Variants in ZSWIM5 observed in about 807,000 individuals in gnomAD.
ZSWIM5 encodes zinc finger SWIM-type containing 5, also known as zinc finger SWIM domain-containing protein 5.
ZSWIM5 carries 55 observed loss-of-function variants against 119.6 expected under a neutral mutation model. That is an observed-to-expected ratio of 0.46 (90% CI 0.37 to 0.58). ZSWIM5 has a LOEUF of 0.58. Ranked by LOEUF, ZSWIM5 falls within the 20% of genes least tolerant of loss-of-function variation. The pLI, the probability that ZSWIM5 is intolerant of heterozygous loss-of-function variation, is 0.00. For synonymous variants in ZSWIM5, 537 were observed against 606.9 expected (o/e 0.88, Z 1.69); for missense variants, 1,193 against 1,512.8 (o/e 0.79, Z 3.51).
At chr1:45,109,743 T>TG (rs1443695827) in intron 1 of ZSWIM5, among the ~76,000 whole-genome samples, 6 of 26,080 alleles carry the variant, frequency 2.3e-4, no homozygotes, top group Non-Finnish European at 3.8e-4. Context: ...AGACTTCGTA[T>TG]GAAAAAAAAA....
At chr1:45,172,101 TCA>T (rs1645948959) in intron 1 of ZSWIM5, among the ~76,000 whole-genome samples, 1 of 151,998 alleles carries the variant, frequency 6.6e-6, no homozygotes, top group Non-Finnish European at 1.5e-5. Context: ...GTAAGAATGC[TCA>T]GAGGTGTGAA....
chr1:45,056,946 C>CA (rs1407509155), intron 4 of ZSWIM5, among the ~76,000 whole-genome samples: 1 of 152,208 alleles, frequency 6.6e-6, no homozygotes, highest in African/African-American at 2.4e-5. Flanking sequence ...TTTCTCTCTA[C>CA]ATTTGTAGTT....
chr1:45,106,111 C>T (rs1169050198), intron 1 of ZSWIM5, among the ~76,000 whole-genome samples: 7 of 140,788 alleles, frequency 5.0e-5, no homozygotes, highest in African/African-American at 8.2e-5. Flanking sequence ...AGGTGAGGAG[C>T]GCCTCTGTCC....
At position 45,019,510 on chromosome 1, in the gene ZSWIM5, C is replaced by T. The variant is rs1003470175; in HGVS notation, c.2696-194G>A. ...GACCCTGTTTGGGGTCTCTTCCTAT[C>T]CCTTCTTTCCCCAGGTCAGAGAGTT... On this transcript the variant is annotated intron_variant, in intron 13 of 13. Transcript: ENST00000359600. The surrounding 1 kb of genome is among the most constrained non-coding windows in gnomAD (Gnocchi z 5.0). 3.9e-5 allele frequency among the ~76,000 whole-genome samples: 6 copies of T among 152,188 alleles called. No homozygotes were observed. The highest frequency in any genetic ancestry group is 1.4e-4 in the African/African-American group (6 of 41,446).
At chr1:45,055,685 C>T (rs767676187) in intron 4 of ZSWIM5, among the ~76,000 whole-genome samples, 7 of 152,160 alleles carry the variant, frequency 4.6e-5, no homozygotes, top group South Asian at 2.1e-4. Flanking sequence ...AGGTAGAGAA[C>T]GTAAACAGGA....
At chr1:45,094,080 G>T (rs896260028) in intron 1 of ZSWIM5, among the ~76,000 whole-genome samples, 1 of 147,542 alleles carries the variant, frequency 6.8e-6, no homozygotes, top group African/African-American at 2.5e-5. Context: ...TTTTTGAGAC[G>T]GAGTCTTACC....
intron 1 of ZSWIM5, among the ~76,000 whole-genome samples, chr1:45,153,103 AAAAAAAAG>A (rs1251830634): frequency 1.3e-5 from 2 of 151,490 alleles, no homozygotes; most frequent in Admixed American, 6.6e-5. Context: ...TAAAAAAAAA[AAAAAAAAG>A]AAAAAAGAAA....
At chr1:45,159,611 C>G (rs972990344) in intron 1 of ZSWIM5, among the ~76,000 whole-genome samples, 1 of 151,700 alleles carries the variant, frequency 6.6e-6, no homozygotes, top group African/African-American at 2.4e-5. Flanking sequence ...TTTTTTCAGA[C>G]TGAGTCTTAC....
chr1:45,128,230 T>C (rs935987466), intron 1 of ZSWIM5, among the ~76,000 whole-genome samples: 4 of 152,146 alleles, frequency 2.6e-5, no homozygotes, highest in African/African-American at 9.7e-5. Context: ...TCTCTCTCTT[T>C]CTTTCTTTGA....
In ZSWIM5 at chr1:45,035,825, T is replaced by C. The variant is rs1644979956; in HGVS notation, c.2156-2A>G. 6.2e-7 allele frequency: 1 copy of C among 1,612,756 alleles called. No homozygotes were observed. Among genetic ancestry groups the C allele is most frequent in the Non-Finnish European group, 8.5e-7 (1 of 1,179,626 alleles). On this transcript the variant is annotated splice_acceptor_variant, in intron 9 of 13. Coordinates refer to ENST00000359600, the MANE Select transcript of ZSWIM5 (RefSeq NM_020883.2). LOFTEE classifies it high-confidence loss of function. The stretch of plus-strand genomic sequence containing the variant: ...CTCCCAGACCGCTGAAAGGACCTCC[T>C]GGAGGAAGATAAGCCAGCCAGTTAT...
chr1:45,118,285 A>T (rs185276524), intron 1 of ZSWIM5, among the ~76,000 whole-genome samples: 3 of 152,374 alleles, frequency 2.0e-5, no homozygotes, highest in Admixed American at 6.5e-5. Context: ...CCTCAAAAAC[A>T]ATAAGCAAAG....
intron 4 of ZSWIM5, among the ~76,000 whole-genome samples, chr1:45,052,045 G>C (rs539947283): frequency 9.1e-4 from 128 of 141,176 alleles, no homozygotes; most frequent in South Asian, 1.3e-3. Context: ...TGCCCCCCAA[G>C]CTGGAGTGAG....
rs1221789554 is a variant in ZSWIM5, at chr1:45,188,196, C to T, written c.595+17560G>A. Among the ~76,000 whole-genome samples, 3 of 152,154 alleles carry T rather than the reference C, an allele frequency of 2.0e-5. No individual in the cohort carries two copies. In the South Asian group the frequency reaches 6.2e-4, roughly 32 times the overall value. ...ATAACCAAAAGGAAAACAACCCAAA[C>T]ATGCAACAACCAATTAATGGATAAA... On this transcript the variant is annotated intron_variant, in intron 1 of 13. Transcript: ENST00000359600.
chr1:45,039,899 T>C (rs1393186051), intron 7 of ZSWIM5, among the ~76,000 whole-genome samples: 1 of 151,972 alleles, frequency 6.6e-6, no homozygotes, highest in Non-Finnish European at 1.5e-5. Context: ...AGAGATGGGG[T>C]TTCTCCATGT....
chr1:45,172,692 C>T (rs1271480620), intron 1 of ZSWIM5, among the ~76,000 whole-genome samples: 1 of 152,088 alleles, frequency 6.6e-6, no homozygotes, highest in East Asian at 1.9e-4. Flanking sequence ...CCAAAAGGAA[C>T]TACAAAGATT....
intron 1 of ZSWIM5, among the ~76,000 whole-genome samples, chr1:45,140,323 A>C (rs1228245030): frequency 6.6e-6 from 1 of 151,860 alleles, no homozygotes; most frequent in Non-Finnish European, 1.5e-5. Flanking sequence ...TTGTAGTTCC[A>C]ACAGATAGTG....
intron 1 of ZSWIM5, among the ~76,000 whole-genome samples, chr1:45,192,102 A>G (rs1022480990): frequency 6.6e-6 from 1 of 152,222 alleles, no homozygotes; most frequent in African/African-American, 2.4e-5. Flanking sequence ...TAAATAAAAT[A>G]ATATATGTGG....
Position 45,201,511 on chromosome 1 carries a change from A to G in ZSWIM5, c.595+4245T>C, listed in dbSNP as rs974403983. Among the ~76,000 whole-genome samples, 9 of 152,312 alleles carry G rather than the reference A, an allele frequency of 5.9e-5. No homozygotes were observed. In the East Asian group the frequency reaches 1.7e-3, roughly 29 times the overall value. On this transcript the variant is annotated intron_variant, in intron 1 of 13. Coordinates refer to ENST00000359600, the MANE Select transcript of ZSWIM5 (RefSeq NM_020883.2). ...CATATAACCCTCACCATAATAGATTACTGACAGTTAATGTCTTGTTTTTTA... is the reference window on the plus strand; with the variant it reads ...CATATAACCCTCACCATAATAGATTGCTGACAGTTAATGTCTTGTTTTTTA...
At chr1:45,161,048 C>T (rs146209373) in intron 1 of ZSWIM5, among the ~76,000 whole-genome samples, 150 of 148,874 alleles carry the variant, frequency 1.0e-3, no homozygotes, top group African/African-American at 3.2e-3. Flanking sequence ...GCTGGTCAAC[C>T]CCTGACCTCA....
Sources: gnomAD v4.1 joint callset for allele counts (sites outside exome capture counted in the v4.1 genomes callset) on GRCh38, gnomAD v4.1.1 for gene constraint, Gnocchi (gnomAD v3.1) non-coding constraint, MANE v1.5 for transcripts, NCBI Gene and HGNC (gene_info 2026-07-23, HGNC 2026-07-21) for gene names.